Variants in CPAMD8 observed in about 807,000 individuals in gnomAD.
CPAMD8 encodes C3 and PZP-like alpha-2-macroglobulin domain-containing protein 8.
CPAMD8 carries 146 observed loss-of-function variants against 224.7 expected under a neutral mutation model. The ratio of observed to expected loss-of-function variants is 0.65; its 90% CI spans 0.57 to 0.75. The LOEUF is 0.75. Ranked by LOEUF, CPAMD8 falls within the 30% of genes least tolerant of loss-of-function variation. The pLI is 0.00. For synonymous variants in CPAMD8, 966 were observed against 1,044.6 expected (o/e 0.92, Z 1.45); for missense variants, 2,301 against 2,537.5 (o/e 0.91, Z 2.00).
chr19:16,929,078 C>T lies in CPAMD8; in HGVS notation c.3008G>A (p.Gly1003Glu). Reference sequence around the variant, plus strand: ...CCATGACCTGGTGTTCTGATGCCCCCCCAGGACGATCTCGATCATGCCTGC... The same window carrying T: ...CCATGACCTGGTGTTCTGATGCCCCTCCAGGACGATCTCGATCATGCCTGC... ...DTAGMIEIVLGGHQNTRSWIS... is the reference protein window; with the variant it reads ...DTAGMIEIVLEGHQNTRSWIS... Residue 1003 changes from glycine (G) to glutamate (E), a missense_variant, in exon 24 of 42, where the codon GGG becomes GAG. Transcript: ENST00000443236. 1.2e-6 allele frequency: 2 copies of T among 1,614,074 alleles called. No homozygotes were observed. The highest frequency in any genetic ancestry group is 1.7e-6 in the Non-Finnish European group (2 of 1,179,934).
chr19:17,001,290 C>T (rs1351081278), intron 9 of CPAMD8, among the ~76,000 whole-genome samples: 1 of 146,638 alleles, frequency 6.8e-6, no homozygotes, highest in Non-Finnish European at 1.5e-5. Flanking sequence ...CACTACACTC[C>T]AGCCTGGGCG....
chr19:16,980,195 G>A lies in CPAMD8; in HGVS notation c.1585+302C>T, dbSNP rs9305086. Among the ~76,000 whole-genome samples, 60,194 of 152,004 alleles carry A rather than the reference G, an allele frequency of 0.4. 12,761 individuals carry two copies. Among genetic ancestry groups the A allele is most frequent in the African/African-American group, 0.55 (22,972 of 41,438 alleles). On this transcript the variant is annotated intron_variant, in intron 14 of 41. Transcript: ENST00000443236. ...AGGAAGAGGACTCATAGGCAGAACC[G>A]CCTGGGCAAAGAGGCAACAGCACAA...
At chr19:16,924,188 C>T (rs564494853) in intron 26 of CPAMD8, among the ~76,000 whole-genome samples, 2 of 151,736 alleles carry the variant, frequency 1.3e-5, no homozygotes, top group South Asian at 4.1e-4. Context: ...TGACACATTT[C>T]TGTCGTTCTA....
chr19:17,000,889 A>G (rs11668659), intron 9 of CPAMD8, among the ~76,000 whole-genome samples: 37,003 of 152,060 alleles, frequency 0.24, 5,093 homozygotes, highest in African/African-American at 0.37. Context: ...TGAACCAAGG[A>G]CCGAACTTCT....
At chr19:16,942,063 T>C (rs1359413389) in intron 22 of CPAMD8, among the ~76,000 whole-genome samples, 1 of 152,098 alleles carries the variant, frequency 6.6e-6, no homozygotes, top group Non-Finnish European at 1.5e-5. Flanking sequence ...CGCCTGCTTC[T>C]CCTTCACCTC....
At chr19:16,917,939 G>A (rs374503882) in intron 27 of CPAMD8, among the ~76,000 whole-genome samples, 223 of 152,262 alleles carry the variant, frequency 1.5e-3, no homozygotes, top group African/African-American at 5.2e-3. Flanking sequence ...TCAAGTCCCC[G>A]ATATACGAGT....
chr19:16,965,217 A>G (rs781409212), intron 18 of CPAMD8, among the ~76,000 whole-genome samples: 1 of 151,918 alleles, frequency 6.6e-6, no homozygotes, highest in Non-Finnish European at 1.5e-5. Context: ...CCGATATCGC[A>G]CCACTGCACT....
chr19:16,917,779 C>A (rs967652309), intron 27 of CPAMD8, among the ~76,000 whole-genome samples: 1 of 152,134 alleles, frequency 6.6e-6, no homozygotes, highest in Admixed American at 6.5e-5. Flanking sequence ...AAAGTAAAGT[C>A]TAATGACTAT....
intron 24 of CPAMD8, among the ~76,000 whole-genome samples, chr19:16,928,524 A>G (rs2053444938): frequency 6.6e-6 from 1 of 152,070 alleles, no homozygotes; most frequent in Non-Finnish European, 1.5e-5. Context: ...CTCTGCTTCC[A>G]TTTTGCCTAG....
intron 22 of CPAMD8, among the ~76,000 whole-genome samples, chr19:16,942,184 G>A (rs113575899): frequency 5.3e-5 from 8 of 151,924 alleles, no homozygotes; most frequent in East Asian, 3.9e-4. Flanking sequence ...AGTCATGGTC[G>A]GGCACAGTGG....
At position 16,896,328 on chromosome 19, in the gene CPAMD8, T is replaced by C; in HGVS notation, c.5276-2A>G. Reference sequence around the variant, plus strand: ...ACGACGAGGCCGGCAGCCGCTGCTCTGGAAGGAAGGGGGCCTCGGTCGGGA... The same window carrying C: ...ACGACGAGGCCGGCAGCCGCTGCTCCGGAAGGAAGGGGGCCTCGGTCGGGA... On this transcript the variant is annotated splice_acceptor_variant, in intron 40 of 41. Coordinates refer to ENST00000443236, the MANE Select transcript of CPAMD8 (RefSeq NM_015692.5). LOFTEE classifies it high-confidence loss of function. The C allele has an allele frequency of 1.2e-6, 2 of 1,602,878 alleles. No individual in the cohort carries two copies. The highest frequency in any genetic ancestry group is 1.7e-5 in the Admixed American group (1 of 58,514).
chr19:16,902,421 A>G (rs2052296788), intron 35 of CPAMD8, among the ~76,000 whole-genome samples: 1 of 151,994 alleles, frequency 6.6e-6, no homozygotes, highest in Non-Finnish European at 1.5e-5. Flanking sequence ...GGAGGCTGAG[A>G]CAGGAGAACC....
chr19:17,000,904 G>GC (rs1187231173), intron 9 of CPAMD8, among the ~76,000 whole-genome samples: 1 of 152,210 alleles, frequency 6.6e-6, no homozygotes, highest in Non-Finnish European at 1.5e-5. Flanking sequence ...ACTTCTCTGA[G>GC]CCTGTTTCCT....
intron 11 of CPAMD8, among the ~76,000 whole-genome samples, chr19:16,995,908 G>C (rs2056108448): frequency 6.6e-6 from 1 of 152,154 alleles, no homozygotes; most frequent in Non-Finnish European, 1.5e-5. Flanking sequence ...TCAGCACTCT[G>C]GGAGGCTGAG....
intron 19 of CPAMD8, among the ~76,000 whole-genome samples, chr19:16,952,986 T>C (rs906701095): frequency 1.3e-5 from 2 of 152,098 alleles, no homozygotes; most frequent in Non-Finnish European, 2.9e-5. Context: ...AAAGCTACCA[T>C]ATTCAAATCA....
chr19:16,989,629 C>A lies in CPAMD8; in HGVS notation c.1395+14G>T. The A allele has an allele frequency of 6.2e-7, 1 of 1,612,270 alleles. No homozygotes were observed. The highest frequency in any genetic ancestry group is 8.5e-7 in the Non-Finnish European group (1 of 1,178,834). On this transcript the variant is annotated intron_variant, in intron 13 of 41. Transcript: ENST00000443236. ...CCCGCATGGCCCAGGAAGGGTAGCT[C>A]CTGAAAATCTTACCTGCAGTGGGTG...
At chr19:16,959,930 A>T (rs17196155) in intron 18 of CPAMD8, among the ~76,000 whole-genome samples, 28,338 of 152,170 alleles carry the variant, frequency 0.19, 2,909 homozygotes, top group Admixed American at 0.25. Flanking sequence ...TTAAGAATAG[A>T]AGAAGCAAGG....
At chr19:17,007,586 T>C (rs967983926) in intron 7 of CPAMD8, among the ~76,000 whole-genome samples, 2 of 151,516 alleles carry the variant, frequency 1.3e-5, no homozygotes, top group Non-Finnish European at 2.9e-5. Context: ...GGAGGAAGGG[T>C]CACCAACAGA....
At chr19:17,006,451 A>T (rs1211321757) in intron 7 of CPAMD8, among the ~76,000 whole-genome samples, 1 of 151,534 alleles carries the variant, frequency 6.6e-6, no homozygotes, top group African/African-American at 2.4e-5. Context: ...TGAACCCAAG[A>T]GGTAGAGGCT....
Sources: gnomAD v4.1 joint callset for allele counts (sites outside exome capture counted in the v4.1 genomes callset) on GRCh38, gnomAD v4.1.1 for gene constraint, MANE v1.5 for transcripts, NCBI Gene and HGNC (gene_info 2026-07-23, HGNC 2026-07-21) for gene names.